KCNQ3: variants seen among roughly 807,000 people sequenced by gnomAD.
The protein encoded by KCNQ3 is potassium voltage-gated channel subfamily KQT member 3.
Under a neutral mutation model 92.5 loss-of-function variants are expected in KCNQ3, and 30 were observed. The observed-to-expected ratio is 0.32, with a 90% CI of 0.24 to 0.44. The LOEUF is 0.44. Ranked by LOEUF, KCNQ3 falls within the 20% of genes least tolerant of loss-of-function variation. The pLI is 1.00. For missense variants in KCNQ3, 913 were observed against 1,140.3 expected, an observed-to-expected ratio of 0.80 and a Z score of 2.87; for synonymous variants, 450 against 468.8, an observed-to-expected ratio of 0.96 and a Z score of 0.52.
At chr8:132,170,904 G>A (rs940427793) in intron 7 of KCNQ3, among the ~76,000 whole-genome samples, 6 of 151,280 alleles carry the variant, frequency 4.0e-5, no homozygotes, top group East Asian at 1.9e-4. Context: ...CTGTAGTTCC[G>A]GCTACCTGGG....
chr8:132,428,270 T>C (rs1434092404), intron 1 of KCNQ3, among the ~76,000 whole-genome samples: 1 of 152,222 alleles, frequency 6.6e-6, no homozygotes. Context: ...GACAGAGTCC[T>C]GCTGTCTAGG....
intron 1 of KCNQ3, among the ~76,000 whole-genome samples, chr8:132,472,929 G>T (rs1822327869): frequency 6.6e-6 from 1 of 152,150 alleles, no homozygotes; most frequent in African/African-American, 2.4e-5. Context: ...ACAGCCTTGG[G>T]ATGTAGGCAG....
intron 1 of KCNQ3, among the ~76,000 whole-genome samples, chr8:132,405,777 T>C (rs141896535): frequency 6.6e-6 from 1 of 152,338 alleles, no homozygotes; most frequent in East Asian, 1.9e-4. Flanking sequence ...GCAGATTTGG[T>C]GTTGGAGTGC....
intron 1 of KCNQ3, among the ~76,000 whole-genome samples, chr8:132,245,009 C>T (rs766862993): frequency 1.5e-4 from 22 of 151,108 alleles, no homozygotes; most frequent in African/African-American, 2.4e-4. Flanking sequence ...ATTTCTTTTA[C>T]GCATTTATTT....
chr8:132,132,062 TG>T, intron 14 of KCNQ3, 117 bp downstream of exon 14: 1 of 741,452 alleles, frequency 1.3e-6, no homozygotes, highest in Non-Finnish European at 2.3e-6. Flanking sequence ...CACTCCAGCC[TG>T]GGCAACAGAG....
At chr8:132,200,100 T>G (rs1013303130) in intron 1 of KCNQ3, among the ~76,000 whole-genome samples, 1 of 152,132 alleles carries the variant, frequency 6.6e-6, no homozygotes, top group Non-Finnish European at 1.5e-5. Context: ...ATTCTGGAAA[T>G]GGGGAAAGAA....
In KCNQ3 at chr8:132,127,588, C is replaced by T. The variant is rs979349909; in HGVS notation, c.*1674G>A. The T allele has an allele frequency of 6.6e-6, 1 of 152,186 alleles. No individual in the cohort carries two copies. Among genetic ancestry groups the T allele is most frequent in the African/African-American group, 2.4e-5 (1 of 41,434 alleles). 9.4% of individuals were successfully genotyped at this position (152,186 alleles called of 1,614,324 possible). ...TTGACAAGACTGTGAGGGAGAATAG[C>T]AGTGTCAGCTGCATACAGACATTTG... On this transcript the variant is annotated 3_prime_UTR_variant, in exon 15 of 15. Coordinates refer to ENST00000388996, the MANE Select transcript of KCNQ3 (RefSeq NM_004519.4).
At chr8:132,207,926 A>C (rs1813718976) in intron 1 of KCNQ3, among the ~76,000 whole-genome samples, 1 of 151,176 alleles carries the variant, frequency 6.6e-6, no homozygotes, top group Non-Finnish European at 1.5e-5. Flanking sequence ...GAGATTAAAA[A>C]AAAAAAAAAA....
rs372601628 is a variant in KCNQ3, at chr8:132,325,962, C to A, written c.387-139781G>T. Among the ~76,000 whole-genome samples, 5 of 152,166 alleles carry A rather than the reference C, an allele frequency of 3.3e-5. No individual in the cohort carries two copies. In the East Asian group the frequency reaches 7.7e-4, roughly 23 times the overall value. On this transcript the variant is annotated intron_variant, in intron 1 of 14. Coordinates refer to ENST00000388996, the MANE Select transcript of KCNQ3 (RefSeq NM_004519.4). ...AACTCTGAAAGAACAAACTTTCCTTCGTATGTCGAATGTAAAAGGGACAAT... is the reference window on the plus strand; with the variant it reads ...AACTCTGAAAGAACAAACTTTCCTTAGTATGTCGAATGTAAAAGGGACAAT...
At chr8:132,426,073 T>C (rs908985867) in intron 1 of KCNQ3, among the ~76,000 whole-genome samples, 4 of 152,254 alleles carry the variant, frequency 2.6e-5, no homozygotes, top group Non-Finnish European at 5.9e-5. Context: ...CACAAGCTTT[T>C]GGCAGGAGCC....
At chr8:132,451,334 C>T (rs1447736016) in intron 1 of KCNQ3, among the ~76,000 whole-genome samples, 1 of 152,232 alleles carries the variant, frequency 6.6e-6, no homozygotes, top group African/African-American at 2.4e-5. Context: ...TACCCAGTCT[C>T]AGCTATGTCT....
intron 1 of KCNQ3, among the ~76,000 whole-genome samples, chr8:132,279,431 G>A (rs1208793422): frequency 1.3e-5 from 2 of 152,144 alleles, no homozygotes; most frequent in African/African-American, 4.8e-5. Context: ...ACTGTGGTGA[G>A]ACTTAGTTTA....
chr8:132,353,912 G>T (rs964843960), intron 1 of KCNQ3, among the ~76,000 whole-genome samples: 14 of 152,190 alleles, frequency 9.2e-5, no homozygotes, highest in Non-Finnish European at 1.9e-4. Flanking sequence ...GCTCTAAAAC[G>T]GCTGCAGATG....
chr8:132,244,390 G>A (rs1477343344), intron 1 of KCNQ3, among the ~76,000 whole-genome samples: 1 of 151,424 alleles, frequency 6.6e-6, no homozygotes, highest in African/African-American at 2.4e-5. Context: ...GAGAAAGGAA[G>A]TGAGGGAGAG....
chr8:132,417,620 G>C (rs185086463), intron 1 of KCNQ3, among the ~76,000 whole-genome samples: 1 of 152,278 alleles, frequency 6.6e-6, no homozygotes, highest in Admixed American at 6.5e-5. Flanking sequence ...CTGGGGACTT[G>C]ACCACTTAGC....
chr8:132,405,914 C>T (rs1041123987), intron 1 of KCNQ3, among the ~76,000 whole-genome samples: 5 of 152,126 alleles, frequency 3.3e-5, no homozygotes, highest in Non-Finnish European at 5.9e-5. Flanking sequence ...CTCCTGAAAA[C>T]TCTACTTCCT....
At chr8:132,450,964 G>A (rs1264516692) in intron 1 of KCNQ3, among the ~76,000 whole-genome samples, 3 of 152,218 alleles carry the variant, frequency 2.0e-5, no homozygotes, top group Non-Finnish European at 4.4e-5. Context: ...CGTCTGTGAT[G>A]CCCTTTGTTC....
chr8:132,403,750 C>T (rs1375011262), intron 1 of KCNQ3, among the ~76,000 whole-genome samples: 1 of 152,188 alleles, frequency 6.6e-6, no homozygotes. Context: ...CTGGTTTGCT[C>T]CTGCTGGGTT....
At chr8:132,252,180 G>A (rs925058023) in intron 1 of KCNQ3, among the ~76,000 whole-genome samples, 3 of 152,002 alleles carry the variant, frequency 2.0e-5, no homozygotes, top group Non-Finnish European at 4.4e-5. Context: ...GGTTCCTTCT[G>A]GTCGGTTCTT....
Sources: allele counts gnomAD v4.1 joint callset (sites outside exome capture counted in the v4.1 genomes callset), GRCh38; gene constraint gnomAD v4.1.1; transcripts MANE v1.5; gene names NCBI Gene and HGNC (gene_info 2026-07-23, HGNC 2026-07-21).